LINGO1: variants seen among roughly 807,000 people sequenced by gnomAD.
LINGO1 encodes leucine-rich repeat and immunoglobulin-like domain-containing nogo receptor-interacting protein 1.
A neutral mutation model predicts 37.3 loss-of-function variants in LINGO1; 11 were observed. That is an observed-to-expected ratio of 0.29 (90% CI 0.19 to 0.49). The LOEUF (loss-of-function observed/expected upper bound fraction) is 0.49. LINGO1 is among the 20% of genes least tolerant of loss of function. The pLI, the probability that LINGO1 is intolerant of heterozygous loss-of-function variation, is 0.99. For synonymous variants in LINGO1, 387 were observed against 403.0 expected, an observed-to-expected ratio of 0.96 and a Z score of 0.48; for missense variants, 585 against 878.2, an observed-to-expected ratio of 0.67 and a Z score of 4.22.
chr15:77,803,256 T>C (rs2076933651), intron 1 of LINGO1, among the ~76,000 whole-genome samples: 1 of 152,132 alleles, frequency 6.6e-6, no homozygotes, highest in South Asian at 2.1e-4. Flanking sequence ...GAACCCAGCC[T>C]AGGCCTAGCA....
intron 2 of LINGO1, among the ~76,000 whole-genome samples, chr15:77,685,601 T>C (rs1376441152): frequency 6.6e-6 from 1 of 151,450 alleles, no homozygotes; most frequent in African/African-American, 2.4e-5. Flanking sequence ...CTCACACCTG[T>C]AATCCCAACA....
intron 1 of LINGO1, among the ~76,000 whole-genome samples, chr15:77,692,885 G>A (rs538932240): frequency 1.3e-4 from 20 of 152,342 alleles, no homozygotes; most frequent in African/African-American, 4.6e-4. Context: ...GTGGAGCAAC[G>A]GAGGCCCAAA....
rs758540036 is a variant in LINGO1 at position 77,615,787 on chromosome 15, C to T, written c.120G>A (p.Thr40=). 5.7e-6 allele frequency: 9 copies of T among 1,565,820 alleles called. No individual in the cohort carries two copies. The highest frequency in any genetic ancestry group is 1.7e-4 in the Middle Eastern group (1 of 5,988). Residue 40 remains threonine, a synonymous_variant, in exon 2 of 2, where the codon ACG becomes ACA. Coordinates refer to ENST00000355300, the MANE Select transcript of LINGO1 (RefSeq NM_032808.7). ...VLGSVLSGSA[T]GCPPRCECSA... is the part of the protein sequence containing the mutation. ...AGCACTCGCAGCGGGGCGGGCAGCCCGTGGCCGAGCCTGACAGCACTGAGC... is the reference window on the plus strand; with the variant it reads ...AGCACTCGCAGCGGGGCGGGCAGCCTGTGGCCGAGCCTGACAGCACTGAGC...
rs74473309 is a variant in LINGO1 at position 77,647,966 on chromosome 15, G to A, written c.-13+29123C>T. The A allele has an allele frequency of 6.3e-3, 2,853 of 456,204 alleles. 66 individuals are homozygous for A. Among genetic ancestry groups the A allele is most frequent in the African/African-American group, 0.052 (2,608 of 50,170 alleles). The allele number at this position is 456,204 out of a possible 1,614,324, so 28.3% of individuals were successfully genotyped here. On this transcript the variant is annotated intron_variant, in intron 3 of 3. Coordinates refer to the LINGO1 transcript ENST00000559893. ...TTGCTAACTGATGGATGGACAGTGA[G>A]ATATCTATTTCCTTGCCTCCTTCTT...
upstream of LINGO1, among the ~76,000 whole-genome samples, chr15:77,633,318 G>A (rs2074325893): frequency 6.6e-6 from 1 of 152,188 alleles, no homozygotes; most frequent in African/African-American, 2.4e-5. Flanking sequence ...GTGAGCGCGC[G>A]AGTGTGTTTA....
chr15:77,757,961 C>T (rs2076437110), intron 1 of LINGO1, among the ~76,000 whole-genome samples: 2 of 152,242 alleles, frequency 1.3e-5, no homozygotes, highest in Admixed American at 1.3e-4. Context: ...ATGAAGAACA[C>T]TCATTTATTC....
At chr15:77,792,602 G>T (rs915551943) in intron 2 of LINGO1, among the ~76,000 whole-genome samples, 3 of 152,198 alleles carry the variant, frequency 2.0e-5, no homozygotes, top group Admixed American at 6.5e-5. Context: ...CCAGAGAAGG[G>T]CTCCAGAGAA....
intron 2 of LINGO1, among the ~76,000 whole-genome samples, chr15:77,711,206 C>A (rs2075914222): frequency 6.6e-6 from 1 of 152,262 alleles, no homozygotes; most frequent in Admixed American, 6.5e-5. Flanking sequence ...AGAATTTCAG[C>A]CCCAAATCCC....
At chr15:77,641,826 C>T (rs2074513640) in intron 3 of LINGO1, 1 of 455,858 alleles carries the variant, frequency 2.2e-6, no homozygotes, top group East Asian at 6.9e-5. Flanking sequence ...AAACCTGCGA[C>T]AGAGGATGTC....
chr15:77,664,170 T>TGTGCGCGCGCAC, intron 3 of LINGO1, among the ~76,000 whole-genome samples: 5 of 131,010 alleles, frequency 3.8e-5, no homozygotes, highest in African/African-American at 1.8e-4. Context: ...TGTGTGTGTG[T>TGTGCGCGCGCAC]GCGCGCGCGC....
chr15:77,662,146 T>C (rs754398270), intron 3 of LINGO1, among the ~76,000 whole-genome samples: 8 of 152,132 alleles, frequency 5.3e-5, no homozygotes, highest in Admixed American at 2.0e-4. Context: ...AGGACCCACA[T>C]ATGTGAGTGT....
At chr15:77,794,044 G>A (rs1006946375) in intron 2 of LINGO1, among the ~76,000 whole-genome samples, 14 of 152,094 alleles carry the variant, frequency 9.2e-5, no homozygotes, top group Non-Finnish European at 1.9e-4. Flanking sequence ...GCATCTCCCC[G>A]CCCACTGAGC....
In LINGO1 at chr15:77,731,178, G is replaced by A. The variant is rs1433600819; in HGVS notation, c.-195+3814C>T. ...TGGGGTGGGGGCAGAGTCATGGGAGGCACATGTGCGGGAGAACAGGCTGGG... is the reference window on the plus strand; with the variant it reads ...TGGGGTGGGGGCAGAGTCATGGGAGACACATGTGCGGGAGAACAGGCTGGG... On this transcript the variant is annotated intron_variant, in intron 2 of 3. Transcript: ENST00000561686. Among the ~76,000 whole-genome samples the A allele has an allele frequency of 2.0e-5, 3 of 152,106 alleles. No individual in the cohort carries two copies. In the East Asian group the frequency reaches 5.8e-4, roughly 29 times the overall value.
chr15:77,738,747 T>TGAAGGAAGGAGG (rs1306984833), intron 1 of LINGO1, among the ~76,000 whole-genome samples: 7,704 of 110,822 alleles, frequency 0.07, 533 homozygotes, highest in African/African-American at 0.099. Flanking sequence ...ACATATTTGC[T>TGAAGGAAGGAGG]GAAGGAAGGA....
chr15:77,774,257 C>T (rs182170900), intron 1 of LINGO1, among the ~76,000 whole-genome samples: 19 of 152,190 alleles, frequency 1.2e-4, no homozygotes, highest in Admixed American at 3.3e-4. Context: ...TCACATCAAA[C>T]AGCTGGCACT....
chr15:77,693,774 C>A (rs1473874207), intron 1 of LINGO1, among the ~76,000 whole-genome samples: 1 of 152,066 alleles, frequency 6.6e-6, no homozygotes, highest in Non-Finnish European at 1.5e-5. Flanking sequence ...AACCAGCTGG[C>A]TGATCAGCTG....
intron 1 of LINGO1, among the ~76,000 whole-genome samples, chr15:77,806,223 TGCC>T (rs1020030090): frequency 3.3e-5 from 5 of 152,198 alleles, no homozygotes; most frequent in African/African-American, 1.2e-4. Flanking sequence ...CCAGTCTGGC[TGCC>T]GGCTTCAATA....
At chr15:77,743,003 A>C (rs1269582638) in intron 1 of LINGO1, among the ~76,000 whole-genome samples, 1 of 152,224 alleles carries the variant, frequency 6.6e-6, no homozygotes, top group Non-Finnish European at 1.5e-5. Context: ...GCACGGGTGC[A>C]CAGGGCCCCC....
At chr15:77,645,615 T>C (rs2074608298) in intron 3 of LINGO1, among the ~76,000 whole-genome samples, 1 of 152,254 alleles carries the variant, frequency 6.6e-6, no homozygotes, top group Non-Finnish European at 1.5e-5. Flanking sequence ...CCAGTGGGTC[T>C]CTGACTGGTG....
Sources: gnomAD v4.1 joint callset for allele counts (sites outside exome capture counted in the v4.1 genomes callset) on GRCh38, gnomAD v4.1.1 for gene constraint, MANE v1.5 for transcripts, NCBI Gene and HGNC (gene_info 2026-07-23, HGNC 2026-07-21) for gene names.